The following MMP19 variants were observed in gnomAD, a reference collection of about 807,000 sequenced individuals.
MMP19 encodes matrix metalloproteinase-19.
In MMP19, 47 loss-of-function variants were observed where a neutral mutation model predicts 46.6. The observed-to-expected ratio is 1.01, with a 90% CI of 0.80 to 1.29. The LOEUF is 1.29. MMP19 is among the 50% of genes most tolerant of loss of function. The pLI is 0.00. For missense variants in MMP19, 589 were observed against 643.5 expected (o/e 0.92, Z 0.92); for synonymous variants, 222 against 248.5 (o/e 0.89, Z 1.00).
In MMP19 at chr12:55,837,240, G is replaced by C; in HGVS notation, c.1323C>G (p.Tyr441Ter). Residue 441 changes from tyrosine to a stop codon, truncating the protein, a stop_gained, in exon 9 of 9, where the codon TAC becomes TAG. Transcript: ENST00000322569. LOFTEE classifies it low-confidence loss of function (END_TRUNC). ...AAMSWQDGRV[Y>*]FFKGKVYWRL... Reference sequence around the variant, plus strand: ...GCCAGTAGACTTTGCCCTTGAAGAAGTAGACTCGGCCATCTTGCCAACTCA... The same window carrying C: ...GCCAGTAGACTTTGCCCTTGAAGAACTAGACTCGGCCATCTTGCCAACTCA... The C allele has an allele frequency of 6.2e-7, 1 of 1,614,220 alleles. No homozygotes were observed. Among genetic ancestry groups the C allele is most frequent in the Admixed American group, 1.7e-5 (1 of 60,032 alleles).
At chr12:55,840,318 AAG>A (rs1271948682) in intron 4 of MMP19, among the ~76,000 whole-genome samples, 1 of 140,676 alleles carries the variant, frequency 7.1e-6, no homozygotes, top group East Asian at 2.4e-4. Flanking sequence ...TCAAGCAAGC[AAG>A]AGAGAGGAAG....
chr12:55,840,603 TG>T, intron 4 of MMP19, 63 bp downstream of exon 4: 4 of 1,494,930 alleles, frequency 2.7e-6, no homozygotes, highest in Non-Finnish European at 3.7e-6. Flanking sequence ...CTAGAGTCAC[TG>T]GTTCAAGGAG....
rs754799116 is a variant in MMP19 at position 55,839,496 on chromosome 12, C to T, written c.766G>A (p.Gly256Ser). ...CCCCTCACTAGGGGGAGGGACTGACCATAGAGAGCCTGGATCCCTGCCACA... is the reference window on the plus strand; with the variant it reads ...CCCCTCACTAGGGGGAGGGACTGACTATAGAGAGCCTGGATCCCTGCCACA... ...DDVAGIQALY[G>S]KKSPVIRDEE... Residue 256 changes from glycine to serine, a missense_variant and splice_region_variant, in exon 5 of 9, where the codon GGC (glycine) becomes AGC (serine). By Grantham distance (56) the Gly-to-Ser change is moderately conservative. Transcript: ENST00000322569. 4 of 1,606,136 alleles carry T rather than the reference C, an allele frequency of 2.5e-6. No individual in the cohort carries two copies. In the South Asian group the frequency reaches 3.3e-5, roughly 13 times the overall value.
Position 55,836,407 on chromosome 12 carries a change from A to C in MMP19, c.*629T>G, listed in dbSNP as rs889348698. 6 of 152,274 alleles carry C rather than the reference A, an allele frequency of 3.9e-5. No homozygotes were observed. Among genetic ancestry groups the C allele is most frequent in the African/African-American group, 1.4e-4 (6 of 41,468 alleles). 9.4% of individuals were successfully genotyped at this position (152,274 alleles called of 1,614,324 possible). ...GTTATACAGCCAGACAGCTAGAGGA[A>C]GAGCTGTTCAGTCCTCTCTTATGAA... On this transcript the variant is annotated 3_prime_UTR_variant, in exon 9 of 9. Transcript: ENST00000322569.
At position 55,840,965 on chromosome 12, in the gene MMP19, C is replaced by T. The variant is rs544120318; in HGVS notation, c.305-83G>A. The T allele has an allele frequency of 7.8e-6, 12 of 1,534,862 alleles. No homozygotes were observed. The East Asian group carries it at 2.7e-4, about 35-fold the overall frequency. On this transcript the variant is annotated intron_variant, in intron 3 of 8. Transcript: ENST00000322569. ...GCTCCTCTGGGTTTAGGCACTCAACCCCCAAGACAGGTGACAACCAGGTAA... is the reference window on the plus strand; with the variant it reads ...GCTCCTCTGGGTTTAGGCACTCAACTCCCAAGACAGGTGACAACCAGGTAA...
In MMP19 at chr12:55,837,343, G is replaced by A; in HGVS notation, c.1220C>T (p.Ala407Val). The change falls in exon 9 of 9, where the codon GCC (alanine) becomes GTC (valine). Residue 407 changes from alanine (A) to valine (V), a missense_variant. Physicochemically the swap from Ala to Val is moderately conservative, Grantham distance 64. Coordinates refer to ENST00000322569, the MANE Select transcript of MMP19 (RefSeq NM_002429.6). ...GGGGTAGCTGCTGAAGTCAGTTCGG[G>A]CTAGCTCGTCCCACTGCCAGTACCC... ...GSGYWQWDELARTDFSSYPKP... is the reference protein window; with the variant it reads ...GSGYWQWDELVRTDFSSYPKP... The A allele has an allele frequency of 1.2e-6, 2 of 1,606,736 alleles. No homozygotes were observed.
chr12:55,837,436 G>T (rs1281456213), intron 8 of MMP19, 62 bp from the exon 9 acceptor site: 11 of 1,576,686 alleles, frequency 7.0e-6, no homozygotes, highest in East Asian at 2.2e-5. Flanking sequence ...ACCCCCAGGG[G>T]TCCACCCCCA....
Position 55,835,832 on chromosome 12 carries a change from C to G in MMP19, c.*1204G>C, listed in dbSNP as rs1346900038. On this transcript the variant is annotated 3_prime_UTR_variant, in exon 9 of 9. Coordinates refer to ENST00000322569, the MANE Select transcript of MMP19 (RefSeq NM_002429.6). ...CTCCGCCTCCTACCTCAGCTGGGAG[C>G]ACTGTCTTCCATGGGGCTTCCACTT... 1.3e-5 allele frequency: 2 copies of G among 151,044 alleles called. No individual in the cohort carries two copies. Among genetic ancestry groups the G allele is most frequent in the Non-Finnish European group, 3.0e-5 (2 of 67,790 alleles). 9.4% of individuals were successfully genotyped at this position (151,044 alleles called of 1,614,324 possible).
At chr12:55,842,577 C>A in intron 1 of MMP19, 139 bp from the exon 2 acceptor site, 1 of 880,334 alleles carries the variant, frequency 1.1e-6, no homozygotes, top group Non-Finnish European at 1.9e-6. Flanking sequence ...AGAAGGGGCT[C>A]AGGTGGAACA....
intron 6 of MMP19, chr12:55,838,269 C>G (rs1450037508): frequency 1.6e-6 from 1 of 621,616 alleles, no homozygotes. Flanking sequence ...ACCTCACCCT[C>G]CCCTCCAAGT....
In MMP19 at chr12:55,837,169, A is replaced by G; in HGVS notation, c.1394T>C (p.Ile465Thr). The change falls in exon 9 of 9, where the codon ATT becomes ACT. Residue 465 changes from isoleucine to threonine, a missense_variant. Physicochemically the swap from Ile to Thr is moderately conservative, Grantham distance 89. Transcript: ENST00000322569. ...LRVEKGYPRN[I>T]SHNWMHCRPR... ...ACGACAGTGCATCCAGTTGTGGGAA[A>G]TATTTCTGGGATAGCCTTTCTCTAC... The G allele has an allele frequency of 6.2e-7, 1 of 1,614,174 alleles. No individual in the cohort carries two copies. Among genetic ancestry groups the G allele is most frequent in the Non-Finnish European group, 8.5e-7 (1 of 1,180,038 alleles).
chr12:55,839,782 C>A, intron 4 of MMP19, 41 bp from the exon 5 acceptor site: 1 of 1,579,242 alleles, frequency 6.3e-7, no homozygotes, highest in East Asian at 2.3e-5. Context: ...GGTCAGAGCC[C>A]GCTAGGCTAG....
At chr12:55,837,515 C>T (rs1329691123) in intron 8 of MMP19, 40 bp downstream of exon 8, 8 of 1,612,906 alleles carry the variant, frequency 5.0e-6, no homozygotes, top group African/African-American at 2.7e-5. Flanking sequence ...GTAGCCCACT[C>T]CTCCTAAGAA....
intron 1 of MMP19, 71 bp downstream of exon 1, chr12:55,842,673 G>T (rs1344009852): frequency 1.6e-6 from 2 of 1,285,404 alleles, no homozygotes; most frequent in East Asian, 2.5e-5. Flanking sequence ...CAGGAGGGAG[G>T]CTTCGATGGG....
At position 55,839,938 on chromosome 12, in the gene MMP19, C is replaced by T. The variant is rs1439222395; in HGVS notation, c.521-197G>A. The T allele has an allele frequency of 1.6e-5, 11 of 704,384 alleles. No individual in the cohort carries two copies. The Admixed American group carries it at 3.3e-4, about 21-fold the overall frequency. 43.6% of individuals were successfully genotyped at this position (704,384 alleles called of 1,614,324 possible). A position where few individuals can be genotyped will look rare whatever the true frequency, so the allele number is the denominator to read the frequency against. On this transcript the variant is annotated intron_variant, in intron 4 of 8. Transcript: ENST00000322569. The stretch of plus-strand genomic sequence containing the variant: ...CTCTCAGGAATGCCCATCACTGTCC[C>T]TTACCTTCCCAGCCACTCCCTGCTC...
Position 55,838,587 on chromosome 12 carries a change from T to G in MMP19, c.895+19A>C. On this transcript the variant is annotated intron_variant, in intron 6 of 8. Transcript: ENST00000322569. ...CTGCCCCCACCGCCTGCCAACAGCC[T>G]GGAGGGGAGGGGCCTCACCCAGCAT... 6.2e-7 allele frequency: 1 copy of G among 1,614,144 alleles called. No individual in the cohort carries two copies. The highest frequency in any genetic ancestry group is 1.1e-5 in the South Asian group (1 of 91,084).
At chr12:55,839,462 C>A in intron 5 of MMP19, 34 bp downstream of exon 5, 6 of 1,572,980 alleles carry the variant, frequency 3.8e-6, no homozygotes, top group Non-Finnish European at 5.2e-6. Context: ...GGGAGTCAGA[C>A]TGACCCTCCC....
chr12:55,841,180 C>A lies in MMP19; in HGVS notation c.230G>T (p.Arg77Met), dbSNP rs537015598. The A allele has an allele frequency of 1.1e-5, 18 of 1,613,982 alleles. No individual in the cohort carries two copies. The South Asian group carries it at 2.0e-4, about 18-fold the overall frequency. Residue 77 changes from arginine (R) to methionine (M), a missense_variant, in exon 3 of 9, where the codon AGG becomes ATG. By Grantham distance (91) the Arg-to-Met change is moderately conservative (BLOSUM62 -1). Coordinates refer to ENST00000322569, the MANE Select transcript of MMP19 (RefSeq NM_002429.6). ...ACAACGAGGCTGCCTCATGCGGGCC[C>A]TTGTGGCATCATCCAGCTGACCTGA... The part of the protein sequence containing the change: ...PVSGQLDDAT[R>M]ARMRQPRCGL...
rs753218178 is a variant in MMP19 at position 55,837,175 on chromosome 12, C to T, written c.1388G>A (p.Arg463Lys). The change falls in exon 9 of 9, where the codon AGA becomes AAA. Residue 463 changes from arginine to lysine, a missense_variant. By Grantham distance (26) the Arg-to-Lys change is conservative (BLOSUM62 2). Transcript: ENST00000322569. ...QQLRVEKGYP[R>K]NISHNWMHCR... ...GTGCATCCAGTTGTGGGAAATATTT[C>T]TGGGATAGCCTTTCTCTACTCGAAG... The T allele has an allele frequency of 6.2e-7, 1 of 1,614,190 alleles. No homozygotes were observed. The highest frequency in any genetic ancestry group is 8.5e-7 in the Non-Finnish European group (1 of 1,180,036).
Sources: allele counts gnomAD v4.1 joint callset (sites outside exome capture counted in the v4.1 genomes callset), GRCh38; gene constraint gnomAD v4.1.1; transcripts MANE v1.5; gene names NCBI Gene and HGNC (gene_info 2026-07-23, HGNC 2026-07-21).